Variants in ZNF518A observed in about 807,000 individuals in gnomAD.
ZNF518A encodes zinc finger protein 518.
ZNF518A carries 47 observed loss-of-function variants against 102.7 expected under a neutral mutation model. The observed-to-expected ratio is 0.46, with a 90% CI of 0.36 to 0.58. The LOEUF is 0.58. Ranked by LOEUF, ZNF518A falls within the 20% of genes least tolerant of loss-of-function variation. ZNF518A has a pLI of 0.00. For synonymous variants in ZNF518A, 652 were observed against 594.6 expected, an observed-to-expected ratio of 1.10 and a Z score of -1.40; for missense variants, 1,793 against 1,699.8, an observed-to-expected ratio of 1.05 and a Z score of -0.96.
At chr10:96,191,462 G>A (rs1554893424) in intron 1 of ZNF518A, among the ~76,000 whole-genome samples, 1 of 151,912 alleles carries the variant, frequency 6.6e-6, no homozygotes, top group African/African-American at 2.4e-5. Context: ...ATGGTTGAGA[G>A]TGCTCACAAA....
chr10:96,147,267 C>T (rs1230995434), intron 3 of ZNF518A, among the ~76,000 whole-genome samples: 6 of 152,168 alleles, frequency 3.9e-5, no homozygotes, highest in Non-Finnish European at 7.3e-5. Context: ...GTGTCAGTGA[C>T]GTTTTTGGTG....
chr10:96,154,736 C>A (rs2082618167), intron 3 of ZNF518A, among the ~76,000 whole-genome samples: 1 of 152,144 alleles, frequency 6.6e-6, no homozygotes, highest in Non-Finnish European at 1.5e-5. Context: ...AGGCCTTCAT[C>A]TTGTGTTACC....
At position 96,159,982 on chromosome 10, in the gene ZNF518A, A is replaced by G. The variant is rs2082922254; in HGVS notation, c.3660A>G (p.Glu1220=). ...STATCPESSE[E]PICVSDCSES... ...CAACATGCCCAGAATCTTCTGAGGA[A>G]CCAATATGTGTCAGTGACTGTTCAG... The change falls in exon 6 of 6, where the codon GAA becomes GAG. Residue 1220 remains glutamate, a synonymous_variant. Transcript: ENST00000316045. 6.2e-7 allele frequency: 1 copy of G among 1,613,600 alleles called. No individual in the cohort carries two copies. The highest frequency in any genetic ancestry group is 8.5e-7 in the Non-Finnish European group (1 of 1,179,700).
At chr10:96,179,730 A>T (rs1198420114) in intron 1 of ZNF518A, among the ~76,000 whole-genome samples, 3 of 152,026 alleles carry the variant, frequency 2.0e-5, no homozygotes, top group Admixed American at 6.6e-5. Flanking sequence ...GAATGAAAAA[A>T]TAACACTTTT....
intron 1 of ZNF518A, chr10:96,191,763 G>T (rs1591285272): frequency 1.8e-6 from 1 of 570,714 alleles, no homozygotes. Context: ...AACCTCACCA[G>T]ATATTAACAG....
intron 1 of ZNF518A, among the ~76,000 whole-genome samples, chr10:96,186,163 A>C (rs2083270572): frequency 6.6e-6 from 1 of 152,008 alleles, no homozygotes; most frequent in Non-Finnish European, 1.5e-5. Flanking sequence ...AAATCCCCTG[A>C]CCCCTTGTAC....
Position 96,156,879 on chromosome 10 carries a change from G to A in ZNF518A, c.557G>A (p.Ser186Asn). 6.2e-7 allele frequency: 1 copy of A among 1,613,826 alleles called. No individual in the cohort carries two copies. The highest frequency in any genetic ancestry group is 8.5e-7 in the Non-Finnish European group (1 of 1,179,790). The change falls in exon 6 of 6, where the codon AGT becomes AAT. Residue 186 changes from serine to asparagine, a missense_variant. By Grantham distance (46) the Ser-to-Asn change is conservative. Around this residue, in one of 3 missense-constraint regions of ZNF518A, gnomAD observed 1,741 missense variants for 1,622.6 expected, o/e 1.07. Coordinates refer to ENST00000316045, the MANE Select transcript of ZNF518A (RefSeq NM_001330736.2). ...AAATGTGACATTTGTAACAATGAGA[G>A]TGTATATACTTTACTGAACTTGACA... The part of the protein sequence containing the change: ...LVKCDICNNE[S>N]VYTLLNLTKH...
intron 3 of ZNF518A, among the ~76,000 whole-genome samples, chr10:96,137,115 A>G (rs1554874742): frequency 6.6e-6 from 1 of 152,202 alleles, no homozygotes; most frequent in African/African-American, 2.4e-5. Flanking sequence ...CGCACCTGCT[A>G]GCATCTTTAT....
intron 1 of ZNF518A, among the ~76,000 whole-genome samples, chr10:96,183,625 T>C (rs1458609770): frequency 6.6e-6 from 1 of 152,226 alleles, no homozygotes; most frequent in Non-Finnish European, 1.5e-5. Context: ...TGAGCGGTTT[T>C]GAGTGAGTTT....
chr10:96,192,154 C>T, intron 1 of ZNF518A: 1 of 1,596,562 alleles, frequency 6.3e-7, no homozygotes. Flanking sequence ...GAGCTCCACT[C>T]CTCCCATCTT....
chr10:96,144,262 A>G (rs2082070234), intron 3 of ZNF518A, among the ~76,000 whole-genome samples: 1 of 152,182 alleles, frequency 6.6e-6, no homozygotes, highest in Non-Finnish European at 1.5e-5. Context: ...CTAGGATTAT[A>G]GGCATGAGTC....
intron 1 of ZNF518A, among the ~76,000 whole-genome samples, chr10:96,186,802 A>G (rs2083274430): frequency 6.6e-6 from 1 of 152,240 alleles, no homozygotes; most frequent in African/African-American, 2.4e-5. Flanking sequence ...AATTATTGCA[A>G]CTTACACCAA....
chr10:96,137,264 A>AT (rs2081645260), intron 3 of ZNF518A, among the ~76,000 whole-genome samples: 1 of 152,104 alleles, frequency 6.6e-6, no homozygotes, highest in East Asian at 1.9e-4. Context: ...TTTATCATCA[A>AT]TTTTTTTATT....
intron 1 of ZNF518A, among the ~76,000 whole-genome samples, chr10:96,192,853 A>G (rs2083363757): frequency 6.6e-6 from 1 of 152,254 alleles, no homozygotes; most frequent in African/African-American, 2.4e-5. Context: ...GTTCACACTC[A>G]TTAAATGTAT....
chr10:96,131,675 T>G (rs1273348764), intron 1 of ZNF518A, among the ~76,000 whole-genome samples: 2 of 152,224 alleles, frequency 1.3e-5, no homozygotes, highest in Non-Finnish European at 2.9e-5. Flanking sequence ...GTTTTATATC[T>G]GGTTTTATGG....
At chr10:96,143,590 C>G (rs713070) in intron 3 of ZNF518A, among the ~76,000 whole-genome samples, 36,464 of 152,038 alleles carry the variant, frequency 0.24, 5,632 homozygotes, top group Middle Eastern at 0.36. Context: ...ATGTAAGAAG[C>G]CTTTGATTAC....
At chr10:96,204,204 G>T, downstream of ZNF518A, 1 of 1,139,964 alleles carries the variant, frequency 8.8e-7, no homozygotes, top group Non-Finnish European at 1.3e-6. Context: ...CAATACAAAT[G>T]GCCAATAAAA....
downstream of ZNF518A, among the ~76,000 whole-genome samples, chr10:96,168,296 G>A (rs764167557): frequency 1.3e-5 from 2 of 152,022 alleles, no homozygotes; most frequent in Admixed American, 6.5e-5. Flanking sequence ...GGTGTGCTAC[G>A]ATCTGCTCCT....
downstream of ZNF518A, among the ~76,000 whole-genome samples, chr10:96,164,023 T>G (rs1554889441): frequency 6.6e-6 from 1 of 152,200 alleles, no homozygotes; most frequent in Non-Finnish European, 1.5e-5. Flanking sequence ...ATTTGTGTGC[T>G]AAGAGTAGTG....
Sources: gnomAD v4.1 joint callset for allele counts (sites outside exome capture counted in the v4.1 genomes callset) on GRCh38, gnomAD v4.1.1 for gene constraint, gnomAD v4.1.1 regional missense constraint, MANE v1.5 for transcripts, NCBI Gene and HGNC (gene_info 2026-07-23, HGNC 2026-07-21) for gene names.